Variants in CYTH3 observed in about 807,000 individuals in gnomAD.
CYTH3 encodes the protein cytohesin-3.
Under a neutral mutation model 55.1 loss-of-function variants are expected in CYTH3, and 23 were observed. That is an observed-to-expected ratio of 0.42 (90% CI 0.30 to 0.59). CYTH3 has a LOEUF of 0.59. Ranked by LOEUF, CYTH3 falls within the 20% of genes least tolerant of loss-of-function variation. The pLI, the probability that CYTH3 is intolerant of heterozygous loss-of-function variation, is 0.20. For missense variants in CYTH3, 413 were observed against 524.8 expected (o/e 0.79, Z 2.08); for synonymous variants, 249 against 194.9 (o/e 1.28, Z -2.31).
At chr7:6,229,200 T>A (rs2128553203) in intron 1 of CYTH3, among the ~76,000 whole-genome samples, 1 of 152,378 alleles carries the variant, frequency 6.6e-6, no homozygotes, top group South Asian at 2.1e-4. Flanking sequence ...CCTTACTTGC[T>A]TCTCTTCATC....
At chr7:6,187,571 T>A (rs886543918) in intron 3 of CYTH3, 86 bp downstream of exon 3, 5 of 1,205,558 alleles carry the variant, frequency 4.1e-6, no homozygotes, top group Non-Finnish European at 6.2e-6. Context: ...CCAACCACTC[T>A]CACCCCACTT....
intron 1 of CYTH3, among the ~76,000 whole-genome samples, chr7:6,232,175 A>G (rs1433608081): frequency 1.3e-5 from 2 of 152,120 alleles, no homozygotes; most frequent in African/African-American, 4.8e-5. Flanking sequence ...CCTTAAACTC[A>G]TTCCAGACAT....
chr7:6,193,983 C>T (rs1783861519), intron 1 of CYTH3, among the ~76,000 whole-genome samples: 1 of 152,174 alleles, frequency 6.6e-6, no homozygotes, highest in African/African-American at 2.4e-5. Flanking sequence ...CCACAGGCTT[C>T]AGCTCTAAAG....
At chr7:6,178,046 C>A (rs889626203) in intron 4 of CYTH3, 105 bp from the exon 5 acceptor site, 2 of 795,570 alleles carry the variant, frequency 2.5e-6, no homozygotes, top group Non-Finnish European at 4.2e-6. Context: ...ATGGACACAG[C>A]AAAAATAATA....
chr7:6,196,383 G>C (rs1161307253), intron 1 of CYTH3, among the ~76,000 whole-genome samples: 1 of 151,414 alleles, frequency 6.6e-6, no homozygotes, highest in African/African-American at 2.4e-5. Context: ...AAATAAAGAA[G>C]CAAGCAGGCA....
intron 5 of CYTH3, among the ~76,000 whole-genome samples, chr7:6,175,446 T>C (rs1783321213): frequency 2.0e-5 from 3 of 152,090 alleles, no homozygotes; most frequent in Non-Finnish European, 4.4e-5. Flanking sequence ...TATTTGACAT[T>C]AATGTGAGGG....
At chr7:6,255,717 C>T (rs1212966576) in intron 1 of CYTH3, among the ~76,000 whole-genome samples, 3 of 150,156 alleles carry the variant, frequency 2.0e-5, no homozygotes, top group Admixed American at 6.6e-5. Context: ...GTGGGGGAGA[C>T]GCTCAGGTTA....
chr7:6,272,219 C>T (rs1057229043), intron 1 of CYTH3, among the ~76,000 whole-genome samples: 3 of 152,012 alleles, frequency 2.0e-5, no homozygotes, highest in Non-Finnish European at 4.4e-5. Flanking sequence ...CGACCCCAGC[C>T]CGCGGCAGCC....
intron 1 of CYTH3, among the ~76,000 whole-genome samples, chr7:6,253,586 G>A (rs144567772): frequency 0.07 from 10,702 of 152,064 alleles, 926 homozygotes; most frequent in African/African-American, 0.2. Flanking sequence ...GGGAGGCCAA[G>A]GCGGGCAGAT....
At chr7:6,247,766 C>T (rs764982015) in intron 1 of CYTH3, among the ~76,000 whole-genome samples, 1 of 152,102 alleles carries the variant, frequency 6.6e-6, no homozygotes, top group African/African-American at 2.4e-5. Flanking sequence ...CCACCTTAGC[C>T]TCTGAGTAGC....
intron 1 of CYTH3, among the ~76,000 whole-genome samples, chr7:6,258,144 TC>T (rs200938051): frequency 1.5e-4 from 23 of 152,100 alleles, no homozygotes; most frequent in Admixed American, 4.6e-4. Context: ...GTTTGCTTTT[TC>T]TTTTTTTTCC....
rs940086688 is a variant in CYTH3 at position 6,190,491 on chromosome 7, T to C, written c.75A>G (p.Leu25=). ...DLSLEEREEL[L]DIRRRKKELI... is the part of the protein sequence containing the mutation. ...GTTCCTTTTTTCTTCGACGAATGTC[T>C]AGAAGTTCTTCTCTCTCTTCTAATG... Residue 25 remains leucine, a synonymous_variant, in exon 2 of 13, where the codon CTA becomes CTG. Transcript: ENST00000350796. 6.6e-7 allele frequency: 1 copy of C among 1,524,016 alleles called. No homozygotes were observed. Among genetic ancestry groups the C allele is most frequent in the Non-Finnish European group, 8.8e-7 (1 of 1,142,650 alleles). 94.4% of individuals were successfully genotyped at this position (1,524,016 alleles called of 1,614,324 possible).
intron 1 of CYTH3, among the ~76,000 whole-genome samples, chr7:6,264,874 CAA>C (rs1780447438): frequency 6.6e-6 from 1 of 152,000 alleles, no homozygotes; most frequent in Non-Finnish European, 1.5e-5. Context: ...AGAAAAGAAA[CAA>C]ATATGTAATA....
intron 2 of CYTH3, among the ~76,000 whole-genome samples, chr7:6,190,070 A>G (rs1583764901): frequency 1.3e-5 from 2 of 152,082 alleles, no homozygotes; most frequent in African/African-American, 2.4e-5. Flanking sequence ...ACAAAAAAAC[A>G]TATTAGTTAA....
intron 1 of CYTH3, among the ~76,000 whole-genome samples, chr7:6,268,563 C>A (rs1780569816): frequency 6.6e-6 from 1 of 152,222 alleles, no homozygotes; most frequent in Non-Finnish European, 1.5e-5. Flanking sequence ...ACCTCATTAA[C>A]CATCTGGGCA....
intron 1 of CYTH3, among the ~76,000 whole-genome samples, chr7:6,225,447 G>A (rs980178577): frequency 9.3e-5 from 14 of 150,840 alleles, no homozygotes; most frequent in Admixed American, 2.0e-4. Flanking sequence ...TCTACCTCCC[G>A]GGTTCAAGCG....
chr7:6,168,995 G>A (rs531803247), intron 9 of CYTH3, among the ~76,000 whole-genome samples: 3 of 152,234 alleles, frequency 2.0e-5, no homozygotes, highest in Admixed American at 2.0e-4. Flanking sequence ...TAGAACACTC[G>A]CACAATGTGA....
rs1004373865 is a variant in CYTH3, at chr7:6,177,676, G to C, written c.368+147C>G. On this transcript the variant is annotated intron_variant, in intron 5 of 12. Transcript: ENST00000350796. The stretch of plus-strand genomic sequence containing the variant: ...GGAACCGGTTGCACTGGGCTCGCTT[G>C]GTATTGAGACGGGCATGTGGATGCC... The C allele has an allele frequency of 5.2e-5, 34 of 647,974 alleles. 1 individual carries two copies. In the East Asian group the frequency reaches 5.6e-4, roughly 11 times the overall value. 40.1% of individuals were successfully genotyped at this position (647,974 alleles called of 1,614,324 possible).
rs554921926 is a variant in CYTH3, at chr7:6,184,562, A to T, written c.249+2488T>A. 2.0e-5 allele frequency among the ~76,000 whole-genome samples: 3 copies of T among 152,308 alleles called. No homozygotes were observed. The South Asian group carries it at 6.2e-4, about 32-fold the overall frequency. On this transcript the variant is annotated intron_variant, in intron 4 of 12. Coordinates refer to ENST00000350796, the MANE Select transcript of CYTH3 (RefSeq NM_004227.4). The stretch of plus-strand genomic sequence containing the variant: ...CTCATGAAGCTGAAACCTGATGCAC[A>T]GTAGTGGCATCACTTTATTTATTTA...
Sources: allele counts gnomAD v4.1 joint callset (sites outside exome capture counted in the v4.1 genomes callset), GRCh38; gene constraint gnomAD v4.1.1; transcripts MANE v1.5; gene names NCBI Gene and HGNC (gene_info 2026-07-23, HGNC 2026-07-21).